The following PLS1 variants were observed in gnomAD, a reference collection of about 807,000 sequenced individuals.
PLS1 encodes plastin 1.
PLS1 carries 32 observed loss-of-function variants against 73.7 expected under a neutral mutation model. The ratio of observed to expected loss-of-function variants is 0.43; its 90% CI spans 0.33 to 0.58. The LOEUF (loss-of-function observed/expected upper bound fraction) is 0.58. PLS1 is among the 20% of genes least tolerant of loss of function. The pLI is 0.04. For missense variants in PLS1, 633 were observed against 740.5 expected (o/e 0.85, Z 1.68); for synonymous variants, 217 against 261.3 (o/e 0.83, Z 1.63).
chr3:142,605,114 C>T (rs1255058615), intron 1 of PLS1, among the ~76,000 whole-genome samples: 1 of 152,030 alleles, frequency 6.6e-6, no homozygotes, highest in East Asian at 1.9e-4. Context: ...CTGTTTCTGA[C>T]CCCATGAGAA....
At position 142,596,467 on chromosome 3, in the gene PLS1, A is replaced by G. The variant is rs145052949; in HGVS notation, c.-79A>G. On this transcript the variant is annotated 5_prime_UTR_variant, in exon 1 of 16. Transcript: ENST00000457734. ...TGGACCTGCAGGTACTTGGATCTCCAGTGGGAGCTGCCCTCTCGAAGGCAG... is the reference window on the plus strand; with the variant it reads ...TGGACCTGCAGGTACTTGGATCTCCGGTGGGAGCTGCCCTCTCGAAGGCAG... The G allele has an allele frequency of 0.017, 2,559 of 152,542 alleles. 52 individuals carry two copies. The highest frequency in any genetic ancestry group is 0.019 in the Non-Finnish European group (1,308 of 68,182). 9.4% of individuals were successfully genotyped at this position (152,542 alleles called of 1,614,324 possible). A position where few individuals can be genotyped will look rare whatever the true frequency, so the allele number is the denominator to read the frequency against.
chr3:142,696,610 T>C (rs2038211450), intron 11 of PLS1, among the ~76,000 whole-genome samples: 1 of 151,948 alleles, frequency 6.6e-6, no homozygotes, highest in East Asian at 1.9e-4. Context: ...AAATGTTATA[T>C]ATTTCAAGAA....
chr3:142,613,764 CAAG>C (rs1228167617), intron 1 of PLS1, among the ~76,000 whole-genome samples: 2 of 152,126 alleles, frequency 1.3e-5, no homozygotes, highest in East Asian at 3.9e-4. Context: ...TGATTCAAGA[CAAG>C]AAAAGATCTT....
chr3:142,671,111 A>G lies in PLS1; in HGVS notation c.353A>G (p.His118Arg). Residue 118 changes from histidine (H) to arginine (R), a missense_variant, in exon 4 of 16, where the codon CAT (histidine) becomes CGT (arginine). Transcript: ENST00000457734. ...TSTISSEGTQHSYSEEEKVAF... is the reference protein window; with the variant it reads ...TSTISSEGTQRSYSEEEKVAF... Reference sequence around the variant, plus strand: ...ACTATTTCCAGTGAGGGCACACAGCATTCTTATTCAGGTAACTGACTTCTC... The same window carrying G: ...ACTATTTCCAGTGAGGGCACACAGCGTTCTTATTCAGGTAACTGACTTCTC... 6.2e-7 allele frequency: 1 copy of G among 1,610,980 alleles called. No homozygotes were observed. The highest frequency in any genetic ancestry group is 8.5e-7 in the Non-Finnish European group (1 of 1,177,910).
At chr3:142,654,270 AC>A (rs1171318480) in intron 1 of PLS1, among the ~76,000 whole-genome samples, 4 of 152,200 alleles carry the variant, frequency 2.6e-5, no homozygotes, top group African/African-American at 9.7e-5. Flanking sequence ...GAGGATCAGA[AC>A]TTAAAAGCTT....
chr3:142,609,682 T>C (rs1024811821), intron 1 of PLS1, among the ~76,000 whole-genome samples: 2 of 152,248 alleles, frequency 1.3e-5, no homozygotes, highest in African/African-American at 4.8e-5. Flanking sequence ...GATAATTACT[T>C]GATAAAAAAT....
At chr3:142,688,442 GTTGT>G (rs760036140) in intron 9 of PLS1, among the ~76,000 whole-genome samples, 4 of 152,076 alleles carry the variant, frequency 2.6e-5, no homozygotes, top group Admixed American at 1.3e-4. Flanking sequence ...TTTGTGTGTG[GTTGT>G]TTGTTTTGAA....
chr3:142,646,669 A>G (rs1341159998), intron 1 of PLS1, among the ~76,000 whole-genome samples: 3 of 152,374 alleles, frequency 2.0e-5, no homozygotes, highest in African/African-American at 7.2e-5. Context: ...GCAGCACATC[A>G]TAGTTCTTAC....
intron 4 of PLS1, among the ~76,000 whole-genome samples, chr3:142,675,812 C>A (rs1414016558): frequency 1.3e-5 from 2 of 152,088 alleles, no homozygotes; most frequent in Non-Finnish European, 2.9e-5. Flanking sequence ...GTAGCTGGGA[C>A]TATGGGCATG....
intron 1 of PLS1, among the ~76,000 whole-genome samples, chr3:142,603,295 G>A (rs917527461): frequency 6.6e-6 from 1 of 152,074 alleles, no homozygotes; most frequent in Non-Finnish European, 1.5e-5. Context: ...TAATATTGTG[G>A]GCACAGAAAG....
chr3:142,701,740 C>T (rs112991006), intron 12 of PLS1, among the ~76,000 whole-genome samples: 4 of 152,298 alleles, frequency 2.6e-5, no homozygotes, highest in Non-Finnish European at 4.4e-5. Context: ...ACCATCATCT[C>T]CCTTAGGAAC....
chr3:142,651,709 G>A (rs1246051013), intron 1 of PLS1, among the ~76,000 whole-genome samples: 1 of 152,200 alleles, frequency 6.6e-6, no homozygotes, highest in Non-Finnish European at 1.5e-5. Flanking sequence ...TCAAGAATGT[G>A]AGGAACCAAA....
Position 142,679,323 on chromosome 3 carries a change from G to GCAAAAGCA in PLS1, c.579+1210_579+1211insCAAAAGCA. On this transcript the variant is annotated intron_variant, in intron 6 of 15. Transcript: ENST00000457734. ...TTGTCTTTTGTTGCCATTGCTTTTG[G>GCAAAAGCA]TGTTTTAGACATGAAGTCCTTGCCC... 3.3e-5 allele frequency among the ~76,000 whole-genome samples: 5 copies of GCAAAAGCA among 150,196 alleles called. No homozygotes were observed. In the Middle Eastern group the frequency reaches 0.017, roughly 522 times the overall value.
intron 1 of PLS1, among the ~76,000 whole-genome samples, chr3:142,643,188 G>A (rs1165450948): frequency 6.6e-6 from 1 of 152,176 alleles, no homozygotes; most frequent in Non-Finnish European, 1.5e-5. Flanking sequence ...CAAGGCCTTG[G>A]AGAAGGGGAG....
intron 1 of PLS1, among the ~76,000 whole-genome samples, chr3:142,650,617 T>G (rs1399932177): frequency 1.3e-5 from 2 of 152,152 alleles, no homozygotes; most frequent in Non-Finnish European, 2.9e-5. Flanking sequence ...GCTGCGTGGC[T>G]TGGACCTGGA....
intron 1 of PLS1, among the ~76,000 whole-genome samples, chr3:142,605,269 C>G (rs1283632152): frequency 6.6e-6 from 1 of 152,198 alleles, no homozygotes; most frequent in Non-Finnish European, 1.5e-5. Flanking sequence ...TGATAAGTGG[C>G]CAAGACTTAG....
At chr3:142,602,792 A>G (rs1231667460) in intron 1 of PLS1, among the ~76,000 whole-genome samples, 1 of 143,264 alleles carries the variant, frequency 7.0e-6, no homozygotes, top group Non-Finnish European at 1.5e-5. Flanking sequence ...CCTTCCCCTG[A>G]GTGGTTCTGT....
At chr3:142,701,071 G>A (rs889170312) in intron 12 of PLS1, among the ~76,000 whole-genome samples, 3 of 152,210 alleles carry the variant, frequency 2.0e-5, no homozygotes, top group Non-Finnish European at 2.9e-5. Flanking sequence ...TTTATCAGCA[G>A]TGTGAAAACA....
intron 15 of PLS1, 99 bp from the exon 16 acceptor site, chr3:142,711,773 C>T (rs1933139422): frequency 1.2e-5 from 17 of 1,429,078 alleles, no homozygotes; most frequent in South Asian, 9.1e-5. Context: ...TTAACCTTTT[C>T]GTAAAACTAA....
Sources: gnomAD v4.1 joint callset for allele counts (sites outside exome capture counted in the v4.1 genomes callset) on GRCh38, gnomAD v4.1.1 for gene constraint, MANE v1.5 for transcripts, NCBI Gene and HGNC (gene_info 2026-07-23, HGNC 2026-07-21) for gene names.